FRMPD2: variants seen among roughly 807,000 people sequenced by gnomAD.
FRMPD2 encodes FERM and PDZ domain containing 2.
A neutral mutation model predicts 140.1 loss-of-function variants in FRMPD2; 96 were observed. That is an observed-to-expected ratio of 0.69 (90% CI 0.58 to 0.81). The LOEUF is 0.81. Among genes scored for constraint, FRMPD2 ranks in the 40% least tolerant of loss-of-function variants. The pLI is 0.00. For missense variants in FRMPD2, 1,240 were observed against 1,447.4 expected, an observed-to-expected ratio of 0.86 and a Z score of 2.32; for synonymous variants, 449 against 547.6, an observed-to-expected ratio of 0.82 and a Z score of 2.52.
intron 8 of FRMPD2, among the ~76,000 whole-genome samples, chr10:48,237,082 C>T (rs919125381): frequency 6.6e-6 from 1 of 150,818 alleles, no homozygotes; most frequent in Non-Finnish European, 1.5e-5. Flanking sequence ...GGTGCATATT[C>T]TCAACCCATT....
intron 27 of FRMPD2, among the ~76,000 whole-genome samples, chr10:48,164,225 G>A (rs1838032956): frequency 6.6e-6 from 1 of 150,890 alleles, no homozygotes; most frequent in African/African-American, 2.5e-5. Flanking sequence ...CTGTGTTTCA[G>A]TAGAAAACTG....
intron 28 of FRMPD2, among the ~76,000 whole-genome samples, chr10:48,160,889 A>G (rs1396903525): frequency 1.3e-5 from 2 of 148,848 alleles, no homozygotes. Context: ...GGCAGCCACT[A>G]TGTGTGCATT....
intron 15 of FRMPD2, among the ~76,000 whole-genome samples, chr10:48,198,643 C>G (rs1385293338): frequency 1.3e-5 from 2 of 152,140 alleles, no homozygotes; most frequent in Admixed American, 1.3e-4. Flanking sequence ...ATAGGAATAG[C>G]ATTGAATCTG....
At position 48,233,937 on chromosome 10, in the gene FRMPD2, G is replaced by T. The variant is rs191312211; in HGVS notation, c.994-1648C>A. Among the ~76,000 whole-genome samples, 105 of 152,284 alleles carry T rather than the reference G, an allele frequency of 6.9e-4. 1 individual carries two copies. In the East Asian group the frequency reaches 0.018, roughly 26 times the overall value. On this transcript the variant is annotated intron_variant, in intron 9 of 28. Transcript: ENST00000374201. ...GGCATGTCAGAGCAACCATGACAGTGGCTGTCCCCACCCTGGGCCAGGAGC... is the reference window on the plus strand; with the variant it reads ...GGCATGTCAGAGCAACCATGACAGTTGCTGTCCCCACCCTGGGCCAGGAGC...
rs375739966 is a variant in FRMPD2, at chr10:48,197,156, C to A, written c.1954+4072G>T. On this transcript the variant is annotated intron_variant, in intron 15 of 28. Transcript: ENST00000374201. Reference sequence around the variant, plus strand: ...CCATTATTTTCTGCATTTGGTTCTGCATCTGAAAGTTCAGCAATTTTGTTT... The same window carrying A: ...CCATTATTTTCTGCATTTGGTTCTGAATCTGAAAGTTCAGCAATTTTGTTT... 2.0e-5 allele frequency among the ~76,000 whole-genome samples: 3 copies of A among 152,310 alleles called. No individual in the cohort carries two copies. The East Asian group carries it at 5.8e-4, about 29-fold the overall frequency.
At chr10:48,272,043 G>C (rs1383483783) in intron 1 of FRMPD2, among the ~76,000 whole-genome samples, 2 of 152,234 alleles carry the variant, frequency 1.3e-5, no homozygotes, top group Non-Finnish European at 2.9e-5. Context: ...CACTAATGGA[G>C]CTGCAGGTAG....
chr10:48,185,530 T>A, intron 18 of FRMPD2, 23 bp downstream of exon 18: 1 of 1,573,630 alleles, frequency 6.4e-7, no homozygotes, highest in Non-Finnish European at 8.7e-7. Flanking sequence ...AGACTGGGCC[T>A]CACCTACAGG....
intron 24 of FRMPD2, among the ~76,000 whole-genome samples, chr10:48,174,047 T>C (rs1838337958): frequency 6.6e-6 from 1 of 152,248 alleles, no homozygotes; most frequent in South Asian, 2.1e-4. Context: ...ATTATGGCTC[T>C]GTTCTCAAGA....
rs1345758677 is a variant in FRMPD2, at chr10:48,270,257, C to T, written c.25+4286G>A. Reference sequence around the variant, plus strand: ...CTCAAGTGGGCTTCGATGATGAGCGCTCAGTGCCCATGAGGTGGCAATGAC... The same window carrying T: ...CTCAAGTGGGCTTCGATGATGAGCGTTCAGTGCCCATGAGGTGGCAATGAC... On this transcript the variant is annotated intron_variant, in intron 1 of 28. Transcript: ENST00000374201. Among the ~76,000 whole-genome samples the T allele has an allele frequency of 4.6e-5, 7 of 152,248 alleles. No homozygotes were observed. In the East Asian group the frequency reaches 1.4e-3, roughly 29 times the overall value.
intron 15 of FRMPD2, among the ~76,000 whole-genome samples, chr10:48,193,265 G>C (rs1277359044): frequency 6.6e-6 from 1 of 152,188 alleles, no homozygotes; most frequent in African/African-American, 2.4e-5. Context: ...TGCTTTTACA[G>C]ATCTGTCCTC....
intron 9 of FRMPD2, among the ~76,000 whole-genome samples, chr10:48,233,063 T>C (rs183328203): frequency 6.6e-6 from 1 of 152,334 alleles, no homozygotes; most frequent in Non-Finnish European, 1.5e-5. Context: ...TGTCTGTGGC[T>C]CTTCCTGAGT....
At position 48,222,054 on chromosome 10, in the gene FRMPD2, G is replaced by GTGGA. The variant is rs530541627; in HGVS notation, c.1455+255_1455+258dup. On this transcript the variant is annotated intron_variant, in intron 12 of 28. Coordinates refer to ENST00000374201, the MANE Select transcript of FRMPD2 (RefSeq NM_001018071.4). ...GATGGATATATGAATAGGTAGGTGG[G>GTGGA]TGGATGGATGGATGGATGGAATGAT... 5.1e-4 allele frequency among the ~76,000 whole-genome samples: 76 copies of GTGGA among 149,666 alleles called. No homozygotes were observed. The East Asian group carries it at 5.1e-3, about 10-fold the overall frequency.
At chr10:48,205,560 A>G (rs1246839136) in intron 14 of FRMPD2, among the ~76,000 whole-genome samples, 1 of 152,258 alleles carries the variant, frequency 6.6e-6, no homozygotes, top group Non-Finnish European at 1.5e-5. Flanking sequence ...ATGTAGTAGT[A>G]TTAAATTCAT....
At chr10:48,253,323 T>C (rs1362521384) in intron 1 of FRMPD2, among the ~76,000 whole-genome samples, 2 of 152,198 alleles carry the variant, frequency 1.3e-5, no homozygotes, top group Non-Finnish European at 2.9e-5. Flanking sequence ...ATAGATTTAA[T>C]ATAGAACATA....
At chr10:48,209,091 C>T (rs1022756235) in intron 13 of FRMPD2, among the ~76,000 whole-genome samples, 1 of 152,060 alleles carries the variant, frequency 6.6e-6, no homozygotes, top group South Asian at 2.1e-4. Context: ...TGGCAGTAAA[C>T]GATTTCCTAA....
intron 1 of FRMPD2, among the ~76,000 whole-genome samples, chr10:48,265,122 C>A (rs1371115414): frequency 6.6e-6 from 1 of 152,192 alleles, no homozygotes; most frequent in Non-Finnish European, 1.5e-5. Context: ...GAAAGGACTT[C>A]TTATTCAGTA....
intron 1 of FRMPD2, among the ~76,000 whole-genome samples, chr10:48,270,839 T>A (rs1250487897): frequency 6.6e-6 from 1 of 151,862 alleles, no homozygotes; most frequent in East Asian, 1.9e-4. Flanking sequence ...AATCACCATC[T>A]CCAAAATCTC....
chr10:48,157,503 C>CT (rs1198213797), intron 28 of FRMPD2, 133 bp from the exon 29 acceptor site: 1 of 644,716 alleles, frequency 1.6e-6, no homozygotes, highest in African/African-American at 1.9e-5. Flanking sequence ...TTGCCTCTTT[C>CT]TCTTAAAATT....
chr10:48,183,423 T>C (rs1838597551), intron 20 of FRMPD2, among the ~76,000 whole-genome samples: 2 of 152,160 alleles, frequency 1.3e-5, no homozygotes, highest in African/African-American at 4.8e-5. Context: ...TATTTTCCTT[T>C]AATATAGGCA....
Sources: allele counts gnomAD v4.1 joint callset (sites outside exome capture counted in the v4.1 genomes callset), GRCh38; gene constraint gnomAD v4.1.1; transcripts MANE v1.5; gene names NCBI Gene and HGNC (gene_info 2026-07-23, HGNC 2026-07-21).